The following GAN variants were observed in gnomAD, a reference collection of about 807,000 sequenced individuals.
GAN encodes epididymis secretory sperm binding protein.
A neutral mutation model predicts 71.3 loss-of-function variants in GAN; 48 were observed. That is an observed-to-expected ratio of 0.67 (90% CI 0.53 to 0.86). The LOEUF is 0.86. Among genes scored for constraint, GAN ranks in the 40% least tolerant of loss-of-function variants. The probability of loss-of-function intolerance (pLI) is 0.00; values close to 1 mark genes in which losing one functional copy is unlikely to be tolerated. For synonymous variants in GAN, 386 were observed against 276.8 expected (o/e 1.39, Z -3.92); for missense variants, 928 against 770.1 (o/e 1.21, Z -2.43).
chr16:81,365,227 A>C lies in GAN; in HGVS notation c.1373+117A>C, dbSNP rs951485632. 2.6e-6 allele frequency: 4 copies of C among 1,567,304 alleles called. No homozygotes were observed. The East Asian group carries it at 6.7e-5, about 26-fold the overall frequency. On this transcript the variant is annotated intron_variant, in intron 8 of 10. Coordinates refer to ENST00000648994, the MANE Select transcript of GAN (RefSeq NM_022041.4). ...AGAGTAACCTTTTCTTTGACTTGGC[A>C]TTTCCTGAGAAAGGAAGGCCCACGT...
chr16:81,324,012 C>A (rs915953598), intron 1 of GAN, among the ~76,000 whole-genome samples: 6 of 152,178 alleles, frequency 3.9e-5, no homozygotes, highest in African/African-American at 1.4e-4. Context: ...TTATAACATC[C>A]TTGTGTTATG....
intron 9 of GAN, among the ~76,000 whole-genome samples, chr16:81,371,084 C>T (rs1220269575): frequency 6.6e-6 from 1 of 152,150 alleles, no homozygotes; most frequent in African/African-American, 2.4e-5. Context: ...TTTGTTATTT[C>T]CATCCAGTGA....
At chr16:81,376,085 A>G (rs902719527) in intron 9 of GAN, among the ~76,000 whole-genome samples, 4 of 152,196 alleles carry the variant, frequency 2.6e-5, no homozygotes, top group African/African-American at 9.7e-5. Context: ...AATTAAAAAT[A>G]TAATACTCAG....
intron 1 of GAN, among the ~76,000 whole-genome samples, chr16:81,348,374 A>C (rs1171791169): frequency 6.6e-6 from 1 of 152,120 alleles, no homozygotes. Flanking sequence ...TTTTCATTTT[A>C]GCACAATCTT....
intron 1 of GAN, among the ~76,000 whole-genome samples, chr16:81,328,649 A>ATTTTTTTT (rs10690232): frequency 5.4e-5 from 8 of 146,988 alleles, no homozygotes; most frequent in Non-Finnish European, 1.0e-4. Context: ...TGTGTATCTT[A>ATTTTTTTT]TTTTTTTTTT....
At chr16:81,325,236 A>G (rs1909346389) in intron 1 of GAN, among the ~76,000 whole-genome samples, 1 of 152,268 alleles carries the variant, frequency 6.6e-6, no homozygotes, top group Non-Finnish European at 1.5e-5. Flanking sequence ...AACAAAAGCT[A>G]TTTTAATTTT....
rs775436452 is a variant in GAN, at chr16:81,383,982, T to C, written c.*6386T>C. 1.3e-5 allele frequency: 2 copies of C among 152,184 alleles called. No individual in the cohort carries two copies. The highest frequency in any genetic ancestry group is 3.8e-4 in the East Asian group (2 of 5,204). 9.4% of individuals were successfully genotyped at this position (152,184 alleles called of 1,614,324 possible). On this transcript the variant is annotated 3_prime_UTR_variant, in exon 11 of 11. Transcript: ENST00000648994. ...TTTTATTGTTTTTACTCATCAGTTA[T>C]GAATAAGGCATACCTTAGAAACTTG...
Position 81,381,903 on chromosome 16 carries a change from A to G in GAN, c.*4307A>G, listed in dbSNP as rs1467448871. On this transcript the variant is annotated 3_prime_UTR_variant, in exon 11 of 11. Transcript: ENST00000648994. ...AAACTAGCATGGGCCGGCCTCCTAT[A>G]TGGAGCTGAAACTAGTATAGCATAA... 6.6e-6 allele frequency: 1 copy of G among 152,174 alleles called. No homozygotes were observed. Among genetic ancestry groups the G allele is most frequent in the African/African-American group, 2.4e-5 (1 of 41,434 alleles). The allele number at this position is 152,174 out of a possible 1,614,324, so 9.4% of individuals were successfully genotyped here. A position where few individuals can be genotyped will look rare whatever the true frequency, so the allele number is the denominator to read the frequency against.
rs375907932 is a variant in GAN at position 81,379,435 on chromosome 16, G to T, written c.*1839G>T. ...CCAGAGGCACCAGGCCAGATGTGCC[G>T]CACAGTCATGTAATTCAATCATGTT... is the stretch of plus-strand genomic sequence containing the variant. On this transcript the variant is annotated 3_prime_UTR_variant, in exon 11 of 11. Transcript: ENST00000648994. 1 of 152,120 alleles carries T rather than the reference G, an allele frequency of 6.6e-6. No homozygotes were observed. Among genetic ancestry groups the T allele is most frequent in the Non-Finnish European group, 1.5e-5 (1 of 68,026 alleles). The allele number at this position is 152,120 out of a possible 1,614,324, so 9.4% of individuals were successfully genotyped here.
chr16:81,365,425 G>A lies in GAN; in HGVS notation c.1449G>A (p.Gln483=). 6.2e-7 allele frequency: 1 copy of A among 1,613,734 alleles called. No individual in the cohort carries two copies. Among genetic ancestry groups the A allele is most frequent in the Non-Finnish European group, 8.5e-7 (1 of 1,179,916 alleles). Residue 483 remains glutamine (Q), a synonymous_variant, in exon 9 of 11, where the codon CAG becomes CAA. Transcript: ENST00000648994. ...FGGVRSREDA[Q]GSEMVTCKSE... is the part of the protein sequence containing the mutation. ...GAGTCCGAAGTCGTGAGGACGCCCA[G>A]GGTAGCGAGATGGTAACTTGCAAGT...
intron 5 of GAN, among the ~76,000 whole-genome samples, chr16:81,358,372 T>G (rs573064349): frequency 2.0e-5 from 3 of 152,222 alleles, no homozygotes; most frequent in African/African-American, 7.2e-5. Context: ...CCCCGCAGTT[T>G]AGGAGGCTAA....
intron 9 of GAN, among the ~76,000 whole-genome samples, chr16:81,370,542 C>T (rs1911005665): frequency 6.6e-6 from 1 of 152,252 alleles, no homozygotes; most frequent in East Asian, 1.9e-4. Context: ...AAGGAAGGAA[C>T]AAATCAGGAA....
chr16:81,373,928 A>C (rs1342896803), intron 9 of GAN, among the ~76,000 whole-genome samples: 1 of 152,170 alleles, frequency 6.6e-6, no homozygotes, highest in African/African-American at 2.4e-5. Flanking sequence ...TCTTTAGTAG[A>C]GATGAGGTTT....
intron 1 of GAN, among the ~76,000 whole-genome samples, chr16:81,333,228 C>A (rs987305027): frequency 7.3e-6 from 1 of 136,098 alleles, no homozygotes; most frequent in African/African-American, 2.8e-5. Context: ...GGCAACAGAG[C>A]GAGACTCCAT....
At chr16:81,324,512 A>C (rs1191161001) in intron 1 of GAN, among the ~76,000 whole-genome samples, 2 of 152,178 alleles carry the variant, frequency 1.3e-5, no homozygotes, top group Non-Finnish European at 2.9e-5. Flanking sequence ...CTCTGGGAAC[A>C]GAACACCACA....
intron 3 of GAN, 31 bp downstream of exon 3, chr16:81,354,786 G>A (rs763839790): frequency 7.6e-7 from 1 of 1,319,782 alleles, no homozygotes; most frequent in Non-Finnish European, 1.1e-6. Flanking sequence ...GGTCAAATTT[G>A]CCTTTTTATT....
chr16:81,324,260 C>G (rs552054042), intron 1 of GAN, among the ~76,000 whole-genome samples: 1 of 152,198 alleles, frequency 6.6e-6, no homozygotes, highest in Admixed American at 6.5e-5. Context: ...GACGGAGTGC[C>G]AGCATCCATG....
intron 1 of GAN, among the ~76,000 whole-genome samples, chr16:81,332,240 G>T (rs1318966982): frequency 6.6e-6 from 1 of 152,160 alleles, no homozygotes; most frequent in Non-Finnish European, 1.5e-5. Context: ...AAGCAACGGT[G>T]GTGGGTAAAC....
chr16:81,354,301 G>T, intron 2 of GAN, 104 bp from the exon 3 acceptor site: 3 of 783,854 alleles, frequency 3.8e-6, no homozygotes, highest in Non-Finnish European at 6.6e-6. Context: ...GATTATCTTT[G>T]ATCTAAAATA....
Sources: gnomAD v4.1 joint callset for allele counts (sites outside exome capture counted in the v4.1 genomes callset) on GRCh38, gnomAD v4.1.1 for gene constraint, MANE v1.5 for transcripts, NCBI Gene and HGNC (gene_info 2026-07-23, HGNC 2026-07-21) for gene names.